The following EMP3 variants were observed in gnomAD, a reference collection of about 807,000 sequenced individuals.
The protein encoded by EMP3 is epithelial membrane protein 3 (MAM blood group), also known as epithelial membrane protein 3.
A neutral mutation model predicts 21.6 loss-of-function variants in EMP3; 15 were observed. The observed-to-expected ratio is 0.69, with a 90% confidence interval of 0.46 to 1.07. The LOEUF (loss-of-function observed/expected upper bound fraction) is 1.07. EMP3 is among the 50% of genes least tolerant of loss of function. The probability of loss-of-function intolerance (pLI) is 0.00; values close to 1 mark genes in which losing one functional copy is unlikely to be tolerated. For synonymous variants in EMP3, 107 were observed against 86.1 expected, an observed-to-expected ratio of 1.24 and a Z score of -1.34; for missense variants, 183 against 206.6, an observed-to-expected ratio of 0.89 and a Z score of 0.70.
chr19:48,327,035 T>C, intron 2 of EMP3, 113 bp downstream of exon 2: 2 of 908,116 alleles, frequency 2.2e-6, no homozygotes, highest in East Asian at 5.2e-5. Flanking sequence ...TTTTTTATTT[T>C]ATTTCATTTA....
Position 48,326,850 on chromosome 19 carries a change from ACTC to A in EMP3, c.10_12del (p.Leu6del). On this transcript the variant is annotated inframe_deletion, in exon 2 of 5. Transcript: ENST00000270221. ...CCCAGGCTTCCACTGCAGCCATGTC[ACTC>A]CTCTTGCTGGTGGTCTCAGCCCTTC... 6.2e-7 allele frequency: 1 copy of A among 1,612,468 alleles called. No homozygotes were observed. Among genetic ancestry groups the A allele is most frequent in the Non-Finnish European group, 8.5e-7 (1 of 1,179,518 alleles).
Position 48,326,820 on chromosome 19 carries a change from C to T in EMP3, c.-15-10C>T, listed in dbSNP as rs374798143. ...CTCTTGAGACTCCGTCCCCTGCTCCCCCTCCCCAGGCTTCCACTGCAGCCA... is the reference window on the plus strand; with the variant it reads ...CTCTTGAGACTCCGTCCCCTGCTCCTCCTCCCCAGGCTTCCACTGCAGCCA... On this transcript the variant is annotated splice_polypyrimidine_tract_variant and intron_variant, in intron 1 of 4. Coordinates refer to ENST00000270221, the MANE Select transcript of EMP3 (RefSeq NM_001425.3). 2 of 1,612,084 alleles carry T rather than the reference C, an allele frequency of 1.2e-6. No individual in the cohort carries two copies. Among genetic ancestry groups the T allele is most frequent in the Non-Finnish European group, 1.7e-6 (2 of 1,178,492 alleles).
In EMP3 at chr19:48,329,486, TG is replaced by T; in HGVS notation, c.317del (p.Cys106SerfsTer11). The T allele has an allele frequency of 6.2e-7, 1 of 1,614,086 alleles. No individual in the cohort carries two copies. On this transcript the variant is annotated frameshift_variant, in exon 4 of 5. Transcript: ENST00000270221. LOFTEE classifies it high-confidence loss of function. This position sits in a 1 kb window ranked among gnomAD's most constrained non-coding sequence, Gnocchi z 4.5. ...CTATGCCACCGGCCTCTGCCAGCTT[TG>T]CACCAGTGAGCACTGCCCCTCCCCA... ...LFYATGLCQL[C>X]TSVAVFTGAL...
chr19:48,330,241 A>T lies in EMP3; in HGVS notation c.323-60A>T, dbSNP rs978436183. 52 of 1,485,020 alleles carry T rather than the reference A, an allele frequency of 3.5e-5. No homozygotes were observed. In the African/African-American group the frequency reaches 7.3e-4, roughly 21 times the overall value. 92.0% of individuals were successfully genotyped at this position (1,485,020 alleles called of 1,614,324 possible). On this transcript the variant is annotated intron_variant, in intron 4 of 4. Coordinates refer to ENST00000270221, the MANE Select transcript of EMP3 (RefSeq NM_001425.3). ...TCCGGCGCTTCTTTGCCCCCATGGG[A>T]TATTGGGAAATGTAGTCTTGAGGGG...
chr19:48,326,169 G>C (rs150418136), intron 1 of EMP3: 1 of 152,158 alleles, frequency 6.6e-6, no homozygotes, highest in African/African-American at 2.4e-5. Flanking sequence ...CCTCAACCCA[G>C]GAGAGGAGTG....
Position 48,330,284 on chromosome 19 carries a change from G to GT in EMP3, c.323-13dup. On this transcript the variant is annotated splice_polypyrimidine_tract_variant and intron_variant, in intron 4 of 4. Transcript: ENST00000270221. The stretch of plus-strand genomic sequence containing the variant: ...TTGAGGGGGCACTGCATGACGTGTG[G>GT]TTTTCATCTTCCGCAGGCGTGGCGG... The GT allele has an allele frequency of 6.4e-7, 1 of 1,570,280 alleles. No individual in the cohort carries two copies. Among genetic ancestry groups the GT allele is most frequent in the South Asian group, 1.1e-5 (1 of 87,420 alleles).
chr19:48,327,008 C>G, intron 2 of EMP3, 86 bp downstream of exon 2: 1 of 1,089,236 alleles, frequency 9.2e-7, no homozygotes, highest in Non-Finnish European at 1.4e-6. Flanking sequence ...GGCCCCACCC[C>G]CTTTACCTAG....
In EMP3 at chr19:48,329,588, C is replaced by A; in HGVS notation, c.322+96C>A. The A allele has an allele frequency of 6.7e-7, 1 of 1,499,992 alleles. No individual in the cohort carries two copies. Among genetic ancestry groups the A allele is most frequent in the Non-Finnish European group, 9.0e-7 (1 of 1,113,818 alleles). The allele number at this position is 1,499,992 out of a possible 1,614,324, so 92.9% of individuals were successfully genotyped here. A position where few individuals can be genotyped will look rare whatever the true frequency, so the allele number is the denominator to read the frequency against. On this transcript the variant is annotated intron_variant, in intron 4 of 4. Coordinates refer to ENST00000270221, the MANE Select transcript of EMP3 (RefSeq NM_001425.3). The surrounding 1 kb of genome is among the most constrained non-coding windows in gnomAD (Gnocchi z 4.5). ...CTGGGGGCCCTGAGAATGGGCCTCT[C>A]GTAGAAAAAAACAACTTTCAACACC...
In EMP3 at chr19:48,327,606, G is replaced by C. The variant is rs1236662018; in HGVS notation, c.164G>C (p.Ser55Thr). ...AACGACACCAAAACATGGGCCTGCAGTAATGTCAGCGAGAATGGTGAGGGG... is the reference window on the plus strand; with the variant it reads ...AACGACACCAAAACATGGGCCTGCACTAATGTCAGCGAGAATGGTGAGGGG... Reference protein sequence around the residue: ...WNNDTKTWACSNVSENGWLKA... With the variant: ...WNNDTKTWACTNVSENGWLKA... Residue 55 changes from serine (S) to threonine (T), a missense_variant, in exon 3 of 5, where the codon AGT becomes ACT. Transcript: ENST00000270221. 1 of 1,613,904 alleles carries C rather than the reference G, an allele frequency of 6.2e-7. No homozygotes were observed. The highest frequency in any genetic ancestry group is 8.5e-7 in the Non-Finnish European group (1 of 1,179,960).
At chr19:48,328,163 T>A (rs542227516) in intron 3 of EMP3, among the ~76,000 whole-genome samples, 1 of 151,752 alleles carries the variant, frequency 6.6e-6, no homozygotes, top group African/African-American at 2.4e-5. Context: ...GTTTAAAGAA[T>A]AGAGAGGGGA....
intron 3 of EMP3, among the ~76,000 whole-genome samples, chr19:48,328,897 G>A (rs972276544): frequency 1.3e-5 from 2 of 152,140 alleles, no homozygotes; most frequent in Admixed American, 6.5e-5. Flanking sequence ...TGAGGAGGAA[G>A]GATCACTTAA....
chr19:48,327,167 G>A (rs944877964), intron 2 of EMP3, among the ~76,000 whole-genome samples: 1 of 151,942 alleles, frequency 6.6e-6, no homozygotes. Flanking sequence ...CAAGTAGCTG[G>A]GATTAGAGGC....
In EMP3 at chr19:48,326,834, C is replaced by T. The variant is rs61764024; in HGVS notation, c.-11C>T. 6.2e-7 allele frequency: 1 copy of T among 1,613,790 alleles called. No individual in the cohort carries two copies. On this transcript the variant is annotated 5_prime_UTR_variant, in exon 2 of 5. Coordinates refer to ENST00000270221, the MANE Select transcript of EMP3 (RefSeq NM_001425.3). ...TCCCCTGCTCCCCCTCCCCAGGCTT[C>T]CACTGCAGCCATGTCACTCCTCTTG...
At chr19:48,328,057 C>G (rs1300567944) in intron 3 of EMP3, among the ~76,000 whole-genome samples, 5 of 152,118 alleles carry the variant, frequency 3.3e-5, no homozygotes, top group Non-Finnish European at 7.4e-5. Flanking sequence ...CCACCTGCTT[C>G]AGCCTCCCAA....
rs1341608453 is a variant in EMP3 at position 48,329,900 on chromosome 19, A to G, written c.323-401A>G. 2.0e-5 allele frequency among the ~76,000 whole-genome samples: 3 copies of G among 152,236 alleles called. No individual in the cohort carries two copies. Among genetic ancestry groups the G allele is most frequent in the South Asian group, 2.1e-4 (1 of 4,826 alleles). On this transcript the variant is annotated intron_variant, in intron 4 of 4. Coordinates refer to ENST00000270221, the MANE Select transcript of EMP3 (RefSeq NM_001425.3). The surrounding 1 kb of genome is among the most constrained non-coding windows in gnomAD (Gnocchi z 4.5). ...GCCAACCGCTGTTTCTTGCGTGCCT[A>G]TTGTGCATCAGATACTTCAAGAAGT...
intron 2 of EMP3, 109 bp downstream of exon 2, chr19:48,327,031 A>C (rs1600882918): frequency 2.2e-6 from 2 of 914,376 alleles, no homozygotes; most frequent in Non-Finnish European, 3.5e-6. Context: ...TTTCTTTTTT[A>C]TTTTATTTCA....
In EMP3 at chr19:48,329,629, G is replaced by A; in HGVS notation, c.322+137G>A. The A allele has an allele frequency of 8.6e-7, 1 of 1,160,694 alleles. No individual in the cohort carries two copies. Among genetic ancestry groups the A allele is most frequent in the Non-Finnish European group, 1.2e-6 (1 of 828,730 alleles). 71.9% of individuals were successfully genotyped at this position (1,160,694 alleles called of 1,614,324 possible). A position where few individuals can be genotyped will look rare whatever the true frequency, so the allele number is the denominator to read the frequency against. On this transcript the variant is annotated intron_variant, in intron 4 of 4. Transcript: ENST00000270221. This position sits in a 1 kb window ranked among gnomAD's most constrained non-coding sequence, Gnocchi z 4.5. Reference sequence around the variant, plus strand: ...TTTCAACACCCCACGAGCCACAAGAGGTGCCTCCGTGGGCTACATCTCTGC... The same window carrying A: ...TTTCAACACCCCACGAGCCACAAGAAGTGCCTCCGTGGGCTACATCTCTGC...
Position 48,329,290 on chromosome 19 carries a change from G to A in EMP3, c.182-62G>A. On this transcript the variant is annotated intron_variant, in intron 3 of 4. Transcript: ENST00000270221. This position sits in a 1 kb window ranked among gnomAD's most constrained non-coding sequence, Gnocchi z 4.5. ...CAGAGAAGGGTCACATGGTGAGCAA[G>A]CAGGTGAAGCTGGAACTCTGGACCC... 6.2e-7 allele frequency: 1 copy of A among 1,602,376 alleles called. No homozygotes were observed. Among genetic ancestry groups the A allele is most frequent in the South Asian group, 1.1e-5 (1 of 89,552 alleles).
Position 48,326,899 on chromosome 19 carries a change from C to T in EMP3, c.55C>T (p.Leu19Phe). 1.9e-6 allele frequency: 3 copies of T among 1,614,112 alleles called. No individual in the cohort carries two copies. Among genetic ancestry groups the T allele is most frequent in the Admixed American group, 3.3e-5 (2 of 60,012 alleles). Residue 19 changes from leucine to phenylalanine, a missense_variant, in exon 2 of 5, where the codon CTT (leucine) becomes TTT (phenylalanine). Physicochemically the swap from Leu to Phe is conservative, Grantham distance 22. Transcript: ENST00000270221. ...SALHILILILLFVATLDKSWW... is the reference protein window; with the variant it reads ...SALHILILILFFVATLDKSWW... ...CCTTCACATCCTCATTCTTATACTG[C>T]TTTTCGTGGCCACTTTGGACAAGGT...
Sources: allele counts gnomAD v4.1 joint callset (sites outside exome capture counted in the v4.1 genomes callset), GRCh38; gene constraint gnomAD v4.1.1; non-coding constraint Gnocchi (gnomAD v3.1); transcripts MANE v1.5; gene names NCBI Gene and HGNC (gene_info 2026-07-23, HGNC 2026-07-21).